NOL4: variants seen among roughly 807,000 people sequenced by gnomAD.
NOL4 encodes the protein cancer/testis antigen 125.
A neutral mutation model predicts 75.9 loss-of-function variants in NOL4; 17 were observed. That is an observed-to-expected ratio of 0.22 (90% CI 0.15 to 0.34). The LOEUF is 0.34. Ranked by LOEUF, NOL4 falls within the 10% of genes least tolerant of loss-of-function variation. The probability of loss-of-function intolerance (pLI) is 1.00; values close to 1 mark genes in which losing one functional copy is unlikely to be tolerated. For synonymous variants in NOL4, 292 were observed against 289.9 expected (o/e 1.01, Z -0.07); for missense variants, 614 against 793.5 (o/e 0.77, Z 2.72).
At chr18:33,992,890 A>G (rs570770348) in intron 6 of NOL4, among the ~76,000 whole-genome samples, 3 of 152,144 alleles carry the variant, frequency 2.0e-5, no homozygotes, top group Non-Finnish European at 4.4e-5. Flanking sequence ...AGGAGACCAT[A>G]ATGTAGCACT....
chr18:34,038,011 C>A (rs1375357441), intron 5 of NOL4, among the ~76,000 whole-genome samples: 1 of 151,796 alleles, frequency 6.6e-6, no homozygotes, highest in East Asian at 1.9e-4. Context: ...GGACTAATAC[C>A]CAAAATACTC....
intron 5 of NOL4, among the ~76,000 whole-genome samples, chr18:34,077,274 C>T (rs2077788687): frequency 6.6e-6 from 1 of 152,098 alleles, no homozygotes; most frequent in Non-Finnish European, 1.5e-5. Flanking sequence ...TGCTACTGCA[C>T]TCCAGCCTGG....
chr18:34,126,477 T>C (rs1240190014), intron 2 of NOL4, among the ~76,000 whole-genome samples: 1 of 152,188 alleles, frequency 6.6e-6, no homozygotes, highest in Non-Finnish European at 1.5e-5. Context: ...TACATAGATA[T>C]ATGCAGACTG....
At chr18:34,195,578 G>A (rs2035267797) in intron 1 of NOL4, among the ~76,000 whole-genome samples, 1 of 151,012 alleles carries the variant, frequency 6.6e-6, no homozygotes, top group African/African-American at 2.4e-5. Context: ...AAATAATACT[G>A]CCATGTTTTC....
chr18:34,156,748 C>A (rs1293825656), intron 1 of NOL4: 1 of 152,466 alleles, frequency 6.6e-6, no homozygotes, highest in African/African-American at 2.4e-5. Flanking sequence ...TGTCACCATT[C>A]CAATTCATTC....
intron 1 of NOL4, among the ~76,000 whole-genome samples, chr18:34,168,848 CA>C (rs1320317882): frequency 6.6e-6 from 1 of 151,294 alleles, no homozygotes; most frequent in Admixed American, 6.6e-5. Context: ...AATAATTTTA[CA>C]GTTAAAAGTA....
intron 1 of NOL4, among the ~76,000 whole-genome samples, chr18:34,131,292 G>A (rs1408508784): frequency 6.6e-6 from 1 of 152,080 alleles, no homozygotes; most frequent in African/African-American, 2.4e-5. Context: ...GGTGCTTTCT[G>A]TTAGTTTTTT....
intron 1 of NOL4, among the ~76,000 whole-genome samples, chr18:34,198,539 A>G (rs1023153685): frequency 1.3e-5 from 2 of 151,896 alleles, no homozygotes; most frequent in South Asian, 2.1e-4. Flanking sequence ...TAAGAATTCA[A>G]ATTAAATGTA....
intron 1 of NOL4, among the ~76,000 whole-genome samples, chr18:34,194,526 G>A (rs933285828): frequency 9.2e-5 from 14 of 151,502 alleles, no homozygotes; most frequent in Admixed American, 7.2e-4. Context: ...ATTTTTATTG[G>A]ATTTATTAAA....
intron 1 of NOL4, among the ~76,000 whole-genome samples, chr18:34,180,461 T>TG (rs35939224): frequency 2.6e-5 from 4 of 151,378 alleles, no homozygotes; most frequent in Non-Finnish European, 4.4e-5. Context: ...CTCAACAAAC[T>TG]GGGGACTTAA....
chr18:34,011,366 A>G (rs1001058101), intron 6 of NOL4, among the ~76,000 whole-genome samples: 2 of 152,008 alleles, frequency 1.3e-5, no homozygotes, highest in African/African-American at 4.8e-5. Context: ...ATTAGAATTT[A>G]TAACTCTATG....
intron 6 of NOL4, among the ~76,000 whole-genome samples, chr18:33,967,266 C>A (rs2070681195): frequency 6.6e-6 from 1 of 152,130 alleles, no homozygotes; most frequent in Non-Finnish European, 1.5e-5. Flanking sequence ...GGATAACTGG[C>A]TACCCATATG....
chr18:34,064,465 C>A (rs1342072298), intron 5 of NOL4, among the ~76,000 whole-genome samples: 1 of 151,840 alleles, frequency 6.6e-6, no homozygotes, highest in Non-Finnish European at 1.5e-5. Context: ...TTCAGAAGTT[C>A]GTCTGAAATA....
chr18:33,881,896 A>T (rs568851042), intron 10 of NOL4, among the ~76,000 whole-genome samples: 2 of 151,882 alleles, frequency 1.3e-5, no homozygotes, highest in African/African-American at 2.4e-5. Flanking sequence ...TCAGAAATAA[A>T]GCCGCATATC....
At chr18:34,159,209 T>G (rs1043088483) in intron 1 of NOL4, among the ~76,000 whole-genome samples, 1 of 152,178 alleles carries the variant, frequency 6.6e-6, no homozygotes, top group Non-Finnish European at 1.5e-5. Flanking sequence ...TCCCCCGACC[T>G]GCAGGCGCGC....
intron 8 of NOL4, among the ~76,000 whole-genome samples, chr18:33,944,616 C>T (rs941048485): frequency 7.9e-5 from 12 of 151,804 alleles, no homozygotes; most frequent in Non-Finnish European, 1.6e-4. Context: ...GACAATAAAG[C>T]AGTTGGATAT....
chr18:34,197,067 G>T (rs935929770), intron 1 of NOL4, among the ~76,000 whole-genome samples: 1 of 150,510 alleles, frequency 6.6e-6, no homozygotes, highest in Admixed American at 6.7e-5. Flanking sequence ...CTCATTTATA[G>T]AAAATTATTT....
At chr18:34,124,560 C>T (rs1333527432) in intron 2 of NOL4, among the ~76,000 whole-genome samples, 2 of 152,052 alleles carry the variant, frequency 1.3e-5, no homozygotes, top group Admixed American at 6.6e-5. Flanking sequence ...TAACTTCTAA[C>T]TGTCAAACAC....
At chr18:34,025,921 C>A (rs1421615300) in intron 5 of NOL4, among the ~76,000 whole-genome samples, 4 of 152,092 alleles carry the variant, frequency 2.6e-5, no homozygotes, top group Non-Finnish European at 5.9e-5. Flanking sequence ...CTACCCCTGC[C>A]CTTCAACAGT....
Sources: allele counts gnomAD v4.1 joint callset (sites outside exome capture counted in the v4.1 genomes callset), GRCh38; gene constraint gnomAD v4.1.1; transcripts MANE v1.5; gene names NCBI Gene and HGNC (gene_info 2026-07-23, HGNC 2026-07-21).